Variants in FAF1 observed in about 807,000 individuals in gnomAD.
The protein encoded by FAF1 is Fas associated factor 1, also known as FAS-associated factor 1.
FAF1 carries 25 observed loss-of-function variants against 92.5 expected under a neutral mutation model. The observed-to-expected ratio is 0.27, with a 90% CI of 0.20 to 0.38. The LOEUF is 0.38. FAF1 is among the 10% of genes least tolerant of loss of function. The pLI is 1.00. For missense variants in FAF1, 636 were observed against 793.3 expected, an observed-to-expected ratio of 0.80 and a Z score of 2.38; for synonymous variants, 234 against 273.2, an observed-to-expected ratio of 0.86 and a Z score of 1.42.
At chr1:50,847,329 A>G (rs1486091345) in intron 2 of FAF1, among the ~76,000 whole-genome samples, 1 of 152,058 alleles carries the variant, frequency 6.6e-6, no homozygotes, top group African/African-American at 2.4e-5. Flanking sequence ...GATGACTATG[A>G]TTAATATGCT....
intron 6 of FAF1, among the ~76,000 whole-genome samples, chr1:50,730,974 T>C (rs879918030): frequency 6.6e-6 from 1 of 152,230 alleles, no homozygotes; most frequent in Admixed American, 6.5e-5. Context: ...TTGCTTCCTA[T>C]TGTGTTATAT....
rs1458481814 is a variant in FAF1, at chr1:50,650,843, G to T, written c.744+4599C>A. On this transcript the variant is annotated intron_variant, in intron 8 of 18. Coordinates refer to ENST00000396153, the MANE Select transcript of FAF1 (RefSeq NM_007051.3). ...AGATTTTGCCTACTTGTAACTCCTT[G>T]TTCTCACAGCTGAACTGTCACAGCA... Among the ~76,000 whole-genome samples, 3 of 152,076 alleles carry T rather than the reference G, an allele frequency of 2.0e-5. No individual in the cohort carries two copies. In the East Asian group the frequency reaches 5.8e-4, roughly 29 times the overall value.
chr1:50,456,843 C>T (rs1193921102), intron 18 of FAF1, among the ~76,000 whole-genome samples: 5 of 152,154 alleles, frequency 3.3e-5, no homozygotes, highest in Non-Finnish European at 7.4e-5. Flanking sequence ...AGGCAAATGC[C>T]TGGCTCAGCC....
At chr1:50,747,285 C>A (rs1157824340) in intron 4 of FAF1, among the ~76,000 whole-genome samples, 1 of 152,188 alleles carries the variant, frequency 6.6e-6, no homozygotes, top group Non-Finnish European at 1.5e-5. Flanking sequence ...CTGAACACTT[C>A]CAAGCCACAG....
At chr1:50,628,765 C>T (rs1295089611) in intron 8 of FAF1, among the ~76,000 whole-genome samples, 2 of 152,150 alleles carry the variant, frequency 1.3e-5, no homozygotes, top group African/African-American at 4.8e-5. Context: ...GAACTATGGC[C>T]ACAATGTGTA....
intron 7 of FAF1, among the ~76,000 whole-genome samples, chr1:50,666,442 A>G (rs2124327258): frequency 6.6e-6 from 1 of 152,148 alleles, no homozygotes; most frequent in East Asian, 1.9e-4. Flanking sequence ...CCTGGACTCA[A>G]GCAATCCTCC....
chr1:50,775,350 T>A (rs1431576238), intron 4 of FAF1, among the ~76,000 whole-genome samples: 1 of 152,020 alleles, frequency 6.6e-6, no homozygotes, highest in African/African-American at 2.4e-5. Flanking sequence ...TCTCTAAGTG[T>A]GAGGAGTTAA....
intron 4 of FAF1, among the ~76,000 whole-genome samples, chr1:50,749,546 GA>G (rs1659767021): frequency 6.6e-6 from 1 of 152,186 alleles, no homozygotes. Flanking sequence ...AGCACTTTGG[GA>G]AGCCAAGGTA....
At chr1:50,925,305 T>C (rs1644996382) in intron 1 of FAF1, among the ~76,000 whole-genome samples, 1 of 152,088 alleles carries the variant, frequency 6.6e-6, no homozygotes, top group African/African-American at 2.4e-5. Flanking sequence ...ACAACAAGAA[T>C]AGACAAATGG....
intron 15 of FAF1, among the ~76,000 whole-genome samples, chr1:50,532,451 G>A (rs906628863): frequency 5.3e-5 from 8 of 152,140 alleles, no homozygotes; most frequent in Admixed American, 5.2e-4. Flanking sequence ...GCTGAAGAAT[G>A]TTTTTAGTGA....
intron 2 of FAF1, among the ~76,000 whole-genome samples, chr1:50,823,877 G>A (rs1644068554): frequency 6.6e-6 from 1 of 152,016 alleles, no homozygotes; most frequent in Non-Finnish European, 1.5e-5. Context: ...CAATTGAAAG[G>A]GTTTCCTTGG....
intron 8 of FAF1, among the ~76,000 whole-genome samples, chr1:50,642,015 C>G (rs796139815): frequency 1.1e-4 from 16 of 151,826 alleles, no homozygotes; most frequent in Admixed American, 9.2e-4. Context: ...CCACCCTGGG[C>G]AACATGGTGA....
At chr1:50,790,119 C>T (rs1432326851) in intron 3 of FAF1, among the ~76,000 whole-genome samples, 1 of 152,014 alleles carries the variant, frequency 6.6e-6, no homozygotes, top group Non-Finnish European at 1.5e-5. Context: ...AATATAAGTA[C>T]CACAAGAATA....
intron 8 of FAF1, among the ~76,000 whole-genome samples, chr1:50,643,918 T>C (rs1654462290): frequency 6.6e-6 from 1 of 152,098 alleles, no homozygotes; most frequent in African/African-American, 2.4e-5. Flanking sequence ...GATACTTTGT[T>C]CTCTTTTATA....
chr1:50,685,381 G>A (rs550894115), intron 7 of FAF1, among the ~76,000 whole-genome samples: 23 of 152,314 alleles, frequency 1.5e-4, no homozygotes, highest in Middle Eastern at 3.4e-3. Context: ...TAAAGAGTCC[G>A]TGTAGCGAGA....
intron 8 of FAF1, among the ~76,000 whole-genome samples, chr1:50,600,024 A>G (rs1161030567): frequency 1.3e-5 from 2 of 152,166 alleles, no homozygotes; most frequent in Non-Finnish European, 2.9e-5. Context: ...TTTTCAGATT[A>G]CGGATACTCA....
chr1:50,514,442 G>T (rs1647181782), intron 15 of FAF1, among the ~76,000 whole-genome samples: 1 of 152,112 alleles, frequency 6.6e-6, no homozygotes, highest in Non-Finnish European at 1.5e-5. Flanking sequence ...AATCTGACAT[G>T]ACACTCTTTC....
intron 4 of FAF1, among the ~76,000 whole-genome samples, chr1:50,767,595 CA>C (rs1660625098): frequency 6.6e-6 from 1 of 152,172 alleles, no homozygotes; most frequent in Non-Finnish European, 1.5e-5. Flanking sequence ...GGGAACCCCA[CA>C]GACTAACAGT....
chr1:50,486,280 T>C (rs1646767867), intron 17 of FAF1, among the ~76,000 whole-genome samples: 1 of 152,226 alleles, frequency 6.6e-6, no homozygotes, highest in South Asian at 2.1e-4. Context: ...TTAGTATCTA[T>C]TTTAATTCAC....
Sources: allele counts gnomAD v4.1 joint callset (sites outside exome capture counted in the v4.1 genomes callset), GRCh38; gene constraint gnomAD v4.1.1; transcripts MANE v1.5; gene names NCBI Gene and HGNC (gene_info 2026-07-23, HGNC 2026-07-21).